KCNH7: variants seen among roughly 807,000 people sequenced by gnomAD.
KCNH7 encodes voltage-gated inwardly rectifying potassium channel KCNH7.
Under a neutral mutation model 120.8 loss-of-function variants are expected in KCNH7, and 49 were observed. The ratio of observed to expected loss-of-function variants is 0.41; its 90% CI spans 0.32 to 0.51. The LOEUF is 0.51. Among genes scored for constraint, KCNH7 ranks in the 20% least tolerant of loss-of-function variants. The pLI, the probability that KCNH7 is intolerant of heterozygous loss-of-function variation, is 0.38. For missense variants in KCNH7, 1,097 were observed against 1,446.6 expected (o/e 0.76, Z 3.92); for synonymous variants, 547 against 516.1 (o/e 1.06, Z -0.81).
chr2:162,576,508 C>T (rs1291799488), intron 2 of KCNH7, among the ~76,000 whole-genome samples: 2 of 107,782 alleles, frequency 1.9e-5, no homozygotes, highest in African/African-American at 8.1e-5. Context: ...CTTGAGACAG[C>T]TAATGAAATT....
chr2:162,475,042 C>A (rs905202840), intron 6 of KCNH7, among the ~76,000 whole-genome samples: 1 of 152,148 alleles, frequency 6.6e-6, no homozygotes, highest in Non-Finnish European at 1.5e-5. Flanking sequence ...AATTCTCGAT[C>A]CATAAAAACT....
At chr2:162,438,714 C>G (rs1439708439) in intron 7 of KCNH7, among the ~76,000 whole-genome samples, 1 of 152,094 alleles carries the variant, frequency 6.6e-6, no homozygotes, top group Non-Finnish European at 1.5e-5. Context: ...TGCCTTACTT[C>G]TATTGTTATC....
chr2:162,516,863 T>C (rs765064695), intron 4 of KCNH7, among the ~76,000 whole-genome samples: 79 of 151,782 alleles, frequency 5.2e-4, no homozygotes, highest in Non-Finnish European at 7.2e-4. Flanking sequence ...TGACTAGCTC[T>C]GTAACCTTAG....
intron 2 of KCNH7, among the ~76,000 whole-genome samples, chr2:162,571,918 C>T (rs1486311783): frequency 6.6e-5 from 10 of 151,836 alleles, no homozygotes; most frequent in Admixed American, 2.0e-4. Context: ...AAGACTTAAA[C>T]GTTAGACCTA....
At chr2:162,451,129 G>T (rs1011121729) in intron 6 of KCNH7, among the ~76,000 whole-genome samples, 13 of 151,892 alleles carry the variant, frequency 8.6e-5, no homozygotes, top group Non-Finnish European at 1.6e-4. Flanking sequence ...TTAATCTCTA[G>T]ACCTAGTTCT....
intron 2 of KCNH7, among the ~76,000 whole-genome samples, chr2:162,794,997 A>T (rs1684086932): frequency 6.6e-6 from 1 of 152,066 alleles, no homozygotes; most frequent in Non-Finnish European, 1.5e-5. Flanking sequence ...CAAGCTATTC[A>T]TTGCAGTCTT....
intron 5 of KCNH7, among the ~76,000 whole-genome samples, chr2:162,505,843 C>A (rs1476069790): frequency 6.6e-6 from 1 of 151,732 alleles, no homozygotes; most frequent in Non-Finnish European, 1.5e-5. Flanking sequence ...TCAAAATGTA[C>A]TTTAAGCATC....
intron 2 of KCNH7, among the ~76,000 whole-genome samples, chr2:162,804,189 T>G (rs1320807194): frequency 1.3e-5 from 2 of 151,932 alleles, no homozygotes; most frequent in East Asian, 3.9e-4. Context: ...AAGACAAGGA[T>G]GCCCACTTTC....
At chr2:162,403,808 G>A (rs1223453319) in intron 9 of KCNH7, among the ~76,000 whole-genome samples, 2 of 152,070 alleles carry the variant, frequency 1.3e-5, no homozygotes, top group Admixed American at 1.3e-4. Flanking sequence ...TAGTTTTAAT[G>A]TCCCAAATAA....
chr2:162,480,843 GAA>G (rs1488813729), intron 6 of KCNH7, among the ~76,000 whole-genome samples: 3 of 152,120 alleles, frequency 2.0e-5, no homozygotes, highest in African/African-American at 7.2e-5. Flanking sequence ...GGGGGTTAAG[GAA>G]AAAGAGGTGG....
Position 162,723,825 on chromosome 2 carries a change from G to C in KCNH7, c.307+112712C>G, listed in dbSNP as rs564160891. 4.2e-4 allele frequency among the ~76,000 whole-genome samples: 64 copies of C among 152,236 alleles called. 1 individual carries two copies. Among genetic ancestry groups the C allele is most frequent in the African/African-American group, 1.5e-3 (61 of 41,552 alleles). On this transcript the variant is annotated intron_variant, in intron 2 of 15. Coordinates refer to ENST00000332142, the MANE Select transcript of KCNH7 (RefSeq NM_033272.4). ...TTTAAAAAGTATACAGTATATAAAAGCACATTAATACCTTACTTTTGGGGC... is the reference window on the plus strand; with the variant it reads ...TTTAAAAAGTATACAGTATATAAAACCACATTAATACCTTACTTTTGGGGC...
At position 162,709,599 on chromosome 2, in the gene KCNH7, C is replaced by T. The variant is rs140621169; in HGVS notation, c.307+126938G>A. 2.6e-4 allele frequency among the ~76,000 whole-genome samples: 40 copies of T among 152,230 alleles called. No homozygotes were observed. In the East Asian group the frequency reaches 5.2e-3, roughly 20 times the overall value. On this transcript the variant is annotated intron_variant, in intron 2 of 15. Coordinates refer to ENST00000332142, the MANE Select transcript of KCNH7 (RefSeq NM_033272.4). ...TTCTAAACTTGGAATTCAAGGTCCA[C>T]TACATTCTGTCCCTCTCTTCTTTTG...
chr2:162,579,612 A>T (rs1693807148), intron 2 of KCNH7, among the ~76,000 whole-genome samples: 1 of 151,990 alleles, frequency 6.6e-6, no homozygotes, highest in Non-Finnish European at 1.5e-5. Context: ...AATTCCAGGG[A>T]TATTGGCAGA....
At chr2:162,537,301 T>C (rs949627397) in intron 2 of KCNH7, among the ~76,000 whole-genome samples, 6 of 152,054 alleles carry the variant, frequency 3.9e-5, no homozygotes, top group Non-Finnish European at 8.8e-5. Context: ...ATTCAGTTAC[T>C]GCATTGTGGA....
intron 2 of KCNH7, among the ~76,000 whole-genome samples, chr2:162,655,140 GAAA>G (rs576807257): frequency 6.6e-6 from 1 of 152,012 alleles, no homozygotes; most frequent in Non-Finnish European, 1.5e-5. Flanking sequence ...GTTCTCACAA[GAAA>G]AAATAGGTAT....
chr2:162,744,428 T>C (rs1688242060), intron 2 of KCNH7, among the ~76,000 whole-genome samples: 1 of 152,152 alleles, frequency 6.6e-6, no homozygotes, highest in Non-Finnish European at 1.5e-5. Flanking sequence ...AAATGCACTG[T>C]AATTAAGTTC....
At chr2:162,396,535 T>G (rs1402644300) in intron 11 of KCNH7, among the ~76,000 whole-genome samples, 1 of 151,834 alleles carries the variant, frequency 6.6e-6, no homozygotes, top group African/African-American at 2.4e-5. Context: ...TACTTGAAAT[T>G]ATTCAACGTA....
chr2:162,667,306 C>T (rs531370785), intron 2 of KCNH7, among the ~76,000 whole-genome samples: 2 of 152,136 alleles, frequency 1.3e-5, no homozygotes, highest in African/African-American at 4.8e-5. Context: ...CAGGCGTGAG[C>T]CACCATGCCC....
intron 6 of KCNH7, among the ~76,000 whole-genome samples, chr2:162,463,576 T>C (rs1035157194): frequency 2.6e-5 from 4 of 151,974 alleles, no homozygotes; most frequent in African/African-American, 9.7e-5. Context: ...AAAGTCAATA[T>C]ATTATTTTTT....
Sources: gnomAD v4.1 joint callset for allele counts (sites outside exome capture counted in the v4.1 genomes callset) on GRCh38, gnomAD v4.1.1 for gene constraint, MANE v1.5 for transcripts, NCBI Gene and HGNC (gene_info 2026-07-23, HGNC 2026-07-21) for gene names.